GNPTG: variants seen among roughly 807,000 people sequenced by gnomAD.
GNPTG encodes the protein N-acetylglucosamine-1-phosphotransferase subunit gamma.
Under a neutral mutation model 43.8 loss-of-function variants are expected in GNPTG, and 46 were observed. That is an observed-to-expected ratio of 1.05 (90% CI 0.83 to 1.34). The LOEUF (loss-of-function observed/expected upper bound fraction) is 1.34. Among genes scored for constraint, GNPTG ranks in the 40% most tolerant of loss-of-function variants. The probability of loss-of-function intolerance (pLI) is 0.00; values close to 1 mark genes in which losing one functional copy is unlikely to be tolerated. For missense variants in GNPTG, 549 were observed against 411.3 expected, an observed-to-expected ratio of 1.33 and a Z score of -2.90; for synonymous variants, 250 against 172.8, an observed-to-expected ratio of 1.45 and a Z score of -3.50.
intron 3 of GNPTG, chr16:1,361,314 T>C (rs977336257): frequency 3.9e-5 from 9 of 230,452 alleles, no homozygotes; most frequent in African/African-American, 2.0e-4. Flanking sequence ...TGGTACCTGT[T>C]TTCCTGTTTC....
In GNPTG at chr16:1,361,684, A is replaced by C. The variant is rs979478155; in HGVS notation, c.179-59A>C. 4 of 1,572,596 alleles carry C rather than the reference A, an allele frequency of 2.5e-6. No individual in the cohort carries two copies. In the African/African-American group the frequency reaches 5.4e-5, roughly 21 times the overall value. ...TGGTCCTTTGAAAACAGACTCTGCCAGTCTTTGCAGACAGGTTCTGTGCTT... is the reference window on the plus strand; with the variant it reads ...TGGTCCTTTGAAAACAGACTCTGCCCGTCTTTGCAGACAGGTTCTGTGCTT... On this transcript the variant is annotated intron_variant, in intron 3 of 10. Transcript: ENST00000204679.
intron 3 of GNPTG, among the ~76,000 whole-genome samples, chr16:1,355,053 G>A (rs930806393): frequency 2.0e-5 from 3 of 151,432 alleles, no homozygotes; most frequent in African/African-American, 7.3e-5. Flanking sequence ...GGGTGTGGAT[G>A]GTCTGCCGCG....
At chr16:1,358,117 T>C (rs1399094467) in intron 3 of GNPTG, 6 of 152,246 alleles carry the variant, frequency 3.9e-5, no homozygotes, top group African/African-American at 1.4e-4. Context: ...CTGGCCTTGA[T>C]GTGTACACGC....
chr16:1,361,763 C>T lies in GNPTG; in HGVS notation c.199C>T (p.Leu67Phe). 1 of 1,614,202 alleles carries T rather than the reference C, an allele frequency of 6.2e-7. No homozygotes were observed. The highest frequency in any genetic ancestry group is 8.5e-7 in the Non-Finnish European group (1 of 1,180,046). The change falls in exon 4 of 11, where the codon CTC becomes TTC. Residue 67 changes from leucine to phenylalanine, a missense_variant. Physicochemically the swap from Leu to Phe is conservative, Grantham distance 22. Transcript: ENST00000204679. The part of the protein sequence containing the change: ...PVSGPVHLFR[L>F]SGKCFSLVES... ...TCCAGGACCCGTGCATCTCTTCCGA[C>T]TCTCGGGCAAGTGCTTCAGCCTGGT...
intron 3 of GNPTG, among the ~76,000 whole-genome samples, chr16:1,358,573 G>C (rs2034818770): frequency 6.6e-6 from 1 of 152,088 alleles, no homozygotes; most frequent in Non-Finnish European, 1.5e-5. Context: ...TGTGAACTTG[G>C]GTGTAAATAT....
At chr16:1,357,327 G>A (rs1247207298) in intron 3 of GNPTG, among the ~76,000 whole-genome samples, 2 of 152,116 alleles carry the variant, frequency 1.3e-5, no homozygotes, top group South Asian at 2.1e-4. Flanking sequence ...GGAACAGAAG[G>A]CCAGGCCGGG....
intron 3 of GNPTG, among the ~76,000 whole-genome samples, chr16:1,355,699 G>A (rs958977997): frequency 3.9e-5 from 6 of 152,126 alleles, no homozygotes; most frequent in South Asian, 2.1e-4. Context: ...GCTCTGCCTC[G>A]GTGGCGGTGG....
Position 1,362,704 on chromosome 16 carries a change from G to T in GNPTG, c.703G>T (p.Asp235Tyr). ...NEPTQLEGGP[D>Y]SLGFETLENC... ...ACCCACCCAGCTGGAGGGAGGTCCT[G>T]ACAGCTTGGGGTTTGAGACCCTGGA... The change falls in exon 9 of 11, where the codon GAC (aspartate) becomes TAC (tyrosine). Residue 235 changes from aspartate (D) to tyrosine (Y), a missense_variant. Transcript: ENST00000204679. 1 of 1,614,084 alleles carries T rather than the reference G, an allele frequency of 6.2e-7. No individual in the cohort carries two copies. Among genetic ancestry groups the T allele is most frequent in the South Asian group, 1.1e-5 (1 of 91,086 alleles).
At position 1,352,028 on chromosome 16, in the gene GNPTG, C is replaced by T. The variant is rs897789631; in HGVS notation, c.52+11C>T. On this transcript the variant is annotated intron_variant, in intron 1 of 10. Transcript: ENST00000204679. ...GGCTCTCGGCCGGCGGTGAGTGGCC[C>T]GGCCGTCCGCGTCCCCAGGCCCCGC... 20 of 1,491,072 alleles carry T rather than the reference C, an allele frequency of 1.3e-5. No individual in the cohort carries two copies. Among genetic ancestry groups the T allele is most frequent in the Non-Finnish European group, 1.7e-5 (19 of 1,126,022 alleles). The allele number at this position is 1,491,072 out of a possible 1,614,324, so 92.4% of individuals were successfully genotyped here. A position where few individuals can be genotyped will look rare whatever the true frequency, so the allele number is the denominator to read the frequency against.
At chr16:1,361,523 A>G in intron 3 of GNPTG, 1 of 525,052 alleles carries the variant, frequency 1.9e-6, no homozygotes, top group Non-Finnish European at 3.4e-6. Flanking sequence ...GGGCGCCTGT[A>G]GTCCCAGCTA....
intron 3 of GNPTG, among the ~76,000 whole-genome samples, chr16:1,354,529 T>C (rs2034737679): frequency 7.7e-6 from 1 of 129,844 alleles, no homozygotes; most frequent in Middle Eastern, 4.6e-3. Context: ...GAGGCTGCGG[T>C]GAGCTGAGAT....
chr16:1,352,430 A>G (rs1314055940), intron 3 of GNPTG, 124 bp downstream of exon 3: 1 of 969,184 alleles, frequency 1.0e-6, no homozygotes, highest in Non-Finnish European at 1.6e-6. Context: ...CAGCCTTCTA[A>G]AATTAATGTG....
At position 1,362,597 on chromosome 16, in the gene GNPTG, T is replaced by A. The variant is rs1567184814; in HGVS notation, c.610-14T>A. 1 of 1,614,170 alleles carries A rather than the reference T, an allele frequency of 6.2e-7. No individual in the cohort carries two copies. Among genetic ancestry groups the A allele is most frequent in the South Asian group, 1.1e-5 (1 of 91,082 alleles). ...CTGGGAGCTGGGTGCTGCCCCTGCA[T>A]CCTCCACCTTCAGGGCCATGAGAAG... is the stretch of plus-strand genomic sequence containing the variant. On this transcript the variant is annotated splice_polypyrimidine_tract_variant and intron_variant, in intron 8 of 10. Transcript: ENST00000204679.
intron 3 of GNPTG, among the ~76,000 whole-genome samples, chr16:1,357,178 C>T (rs1418674288): frequency 1.3e-5 from 2 of 152,158 alleles, no homozygotes; most frequent in African/African-American, 2.4e-5. Flanking sequence ...GGAGTAGGGG[C>T]CACCCAGATG....
At chr16:1,355,239 G>A (rs1166825031) in intron 3 of GNPTG, among the ~76,000 whole-genome samples, 1 of 152,222 alleles carries the variant, frequency 6.6e-6, no homozygotes, top group Non-Finnish European at 1.5e-5. Context: ...GGGGTCGGGT[G>A]TGGATATTCT....
intron 3 of GNPTG, among the ~76,000 whole-genome samples, chr16:1,356,894 C>T (rs922717639): frequency 4.7e-4 from 3 of 6,326 alleles, no homozygotes; most frequent in Non-Finnish European, 1.2e-3. Flanking sequence ...GGTCTGCGGG[C>T]GGGAGTGTGC....
At chr16:1,360,198 A>G (rs967393570) in intron 3 of GNPTG, among the ~76,000 whole-genome samples, 2 of 152,154 alleles carry the variant, frequency 1.3e-5, no homozygotes, top group South Asian at 2.1e-4. Flanking sequence ...GTCTTGGCAC[A>G]TTGACCCTTT....
chr16:1,361,794 C>T lies in GNPTG; in HGVS notation c.230C>T (p.Ser77Phe). The T allele has an allele frequency of 6.2e-7, 1 of 1,614,082 alleles. No homozygotes were observed. Among genetic ancestry groups the T allele is most frequent in the Non-Finnish European group, 8.5e-7 (1 of 1,180,042 alleles). ...GGCAAGTGCTTCAGCCTGGTGGAGT[C>T]CACGTGAGTGCAGGGTGGGTGCGAG... ...LSGKCFSLVE[S>F]TYKYEFCPFH... Residue 77 changes from serine to phenylalanine, a missense_variant, in exon 4 of 11, where the codon TCC becomes TTC. By Grantham distance (155) the Ser-to-Phe change is radical. Coordinates refer to ENST00000204679, the MANE Select transcript of GNPTG (RefSeq NM_032520.5).
chr16:1,356,030 G>A (rs1466392645), intron 3 of GNPTG, among the ~76,000 whole-genome samples: 1 of 152,078 alleles, frequency 6.6e-6, no homozygotes, highest in South Asian at 2.1e-4. Context: ...AGGTTGGGAG[G>A]GTACTGGGAC....
Sources: allele counts gnomAD v4.1 joint callset (sites outside exome capture counted in the v4.1 genomes callset), GRCh38; gene constraint gnomAD v4.1.1; transcripts MANE v1.5; gene names NCBI Gene and HGNC (gene_info 2026-07-23, HGNC 2026-07-21).